Variants in DST observed in about 807,000 individuals in gnomAD.
DST encodes the protein bullous pemphigoid antigen.
A neutral mutation model predicts 875.2 loss-of-function variants in DST; 253 were observed. The ratio of observed to expected loss-of-function variants is 0.29; its 90% CI spans 0.26 to 0.32. The LOEUF (loss-of-function observed/expected upper bound fraction) is 0.32. DST is among the 10% of genes least tolerant of loss of function. The pLI is 1.00. For missense variants in DST, 8,287 were observed against 9,111.6 expected (o/e 0.91, Z 3.68); for synonymous variants, 3,124 against 3,197.1 (o/e 0.98, Z 0.77).
intron 82 of DST, among the ~76,000 whole-genome samples, chr6:56,494,684 T>C (rs1041230682): frequency 2.0e-5 from 3 of 152,110 alleles, no homozygotes; most frequent in African/African-American, 7.2e-5. Context: ...AAGTTGATTA[T>C]TCAGAATTAT....
intron 60 of DST, 23 bp from the exon 61 acceptor site, chr6:56,553,678 T>C (rs1446123690): frequency 6.3e-7 from 1 of 1,589,058 alleles, no homozygotes. Context: ...TTACAAGATA[T>C]GTTTATTTTA....
chr6:56,742,011 G>A (rs988351826), intron 4 of DST, among the ~76,000 whole-genome samples: 1 of 152,156 alleles, frequency 6.6e-6, no homozygotes, highest in Non-Finnish European at 1.5e-5. Flanking sequence ...GGTTTTCAGT[G>A]AAATCCAAAC....
At chr6:56,788,757 C>A (rs1016297246) in intron 4 of DST, among the ~76,000 whole-genome samples, 1 of 152,160 alleles carries the variant, frequency 6.6e-6, no homozygotes, top group Non-Finnish European at 1.5e-5. Context: ...TGTACCATAA[C>A]CTACTTAATG....
chr6:56,490,025 C>T (rs1350067249), intron 85 of DST, among the ~76,000 whole-genome samples: 1 of 151,930 alleles, frequency 6.6e-6, no homozygotes, highest in Non-Finnish European at 1.5e-5. Context: ...AATTTAATCC[C>T]TATGTTAAGA....
chr6:56,725,099 A>G (rs2099445141), intron 5 of DST, among the ~76,000 whole-genome samples: 1 of 152,216 alleles, frequency 6.6e-6, no homozygotes. Context: ...AGGCCTAGAA[A>G]GGTTCAAAGT....
intron 90 of DST, among the ~76,000 whole-genome samples, chr6:56,478,919 G>A (rs150734451): frequency 0.017 from 2,609 of 152,170 alleles, 69 homozygotes; most frequent in African/African-American, 0.059. Context: ...ATAGACAAAT[G>A]GGACTTAATT....
Position 56,605,669 on chromosome 6 carries a change from T to C in DST, c.8959A>G (p.Thr2987Ala), listed in dbSNP as rs1033750735. Residue 2987 changes from threonine to alanine, a missense_variant, in exon 40 of 104, where the codon ACA becomes GCA. Thr to Ala is a moderately conservative substitution (Grantham distance 58). Coordinates refer to ENST00000680361, the MANE Select transcript of DST (RefSeq NM_001374736.1). ...KGKDEYFKNMTPKVDSSLDHI... is the reference protein window; with the variant it reads ...KGKDEYFKNMAPKVDSSLDHI... ...TCAAGAGATGAGTCAACTTTTGGTG[T>C]CATATTCTTAAAATATTCATCTTTA... The C allele has an allele frequency of 6.2e-7, 1 of 1,612,872 alleles. No homozygotes were observed. The highest frequency in any genetic ancestry group is 1.3e-5 in the African/African-American group (1 of 74,862).
intron 9 of DST, among the ~76,000 whole-genome samples, chr6:56,684,827 G>A (rs550279352): frequency 7.2e-5 from 11 of 152,274 alleles, no homozygotes; most frequent in Non-Finnish European, 1.5e-4. Context: ...CCTTTTCACT[G>A]GAGCTTCTCG....
chr6:56,532,111 A>T (rs1399798542), intron 64 of DST, among the ~76,000 whole-genome samples: 1 of 152,176 alleles, frequency 6.6e-6, no homozygotes, highest in Non-Finnish European at 1.5e-5. Context: ...TAAACAAATG[A>T]AGTAATCACT....
Position 56,954,452 on chromosome 6 carries a change from T to G in DST, c.136A>C (p.Arg46=). ...CCWHRKLQKG[R]HPMKSVFSGR... is the part of the protein sequence containing the mutation. ...GAGAAGACCGATTTCATCGGATGCC[T>G]CCCTTTCTGGAGCTTGCGGTGCCAG... Residue 46 remains arginine, a synonymous_variant, in exon 1 of 104, where the codon AGG becomes CGG. Coordinates refer to ENST00000680361, the MANE Select transcript of DST (RefSeq NM_001374736.1). 3.7e-6 allele frequency: 5 copies of G among 1,367,428 alleles called. No homozygotes were observed. The highest frequency in any genetic ancestry group is 4.6e-5 in the East Asian group (1 of 21,952). 84.7% of individuals were successfully genotyped at this position (1,367,428 alleles called of 1,614,324 possible).
intron 36 of DST, chr6:56,619,126 TG>T (rs1331490017): frequency 6.2e-7 from 1 of 1,613,662 alleles, no homozygotes; most frequent in Non-Finnish European, 8.5e-7. Flanking sequence ...GCTCTGTTTT[TG>T]TCTGTTTATG....
At chr6:56,612,628 T>G (rs982707476) in intron 37 of DST, among the ~76,000 whole-genome samples, 1 of 152,208 alleles carries the variant, frequency 6.6e-6, no homozygotes, top group Non-Finnish European at 1.5e-5. Flanking sequence ...TTTTCCCCCA[T>G]GAAGTCTATT....
chr6:56,780,112 A>T (rs1365442607), intron 4 of DST, among the ~76,000 whole-genome samples: 2 of 151,732 alleles, frequency 1.3e-5, no homozygotes, highest in African/African-American at 4.9e-5. Flanking sequence ...CATATTCTGA[A>T]TCCAGTCTAT....
chr6:56,493,148 T>C, intron 83 of DST, 59 bp from the exon 84 acceptor site: 5 of 1,487,278 alleles, frequency 3.4e-6, no homozygotes, highest in Non-Finnish European at 4.6e-6. Context: ...TTTGTTTGTT[T>C]CAGTTTAAAT....
At chr6:56,803,064 T>C (rs910529009) in intron 4 of DST, among the ~76,000 whole-genome samples, 4 of 152,218 alleles carry the variant, frequency 2.6e-5, no homozygotes, top group South Asian at 4.1e-4. Flanking sequence ...GTGTTAAGCA[T>C]TGAGCTAAAT....
intron 4 of DST, among the ~76,000 whole-genome samples, chr6:56,827,330 A>G (rs1039057889): frequency 5.3e-5 from 8 of 152,208 alleles, no homozygotes; most frequent in African/African-American, 1.9e-4. Context: ...CCTGACCAAC[A>G]TGGTGAAACC....
intron 4 of DST, among the ~76,000 whole-genome samples, chr6:56,749,191 A>G (rs1313922825): frequency 6.6e-6 from 1 of 152,078 alleles, no homozygotes; most frequent in Non-Finnish European, 1.5e-5. Context: ...CGTCTCTACT[A>G]AAAATACAAA....
chr6:56,479,673 A>T (rs2095335771), intron 90 of DST, among the ~76,000 whole-genome samples: 1 of 152,214 alleles, frequency 6.6e-6, no homozygotes, highest in South Asian at 2.1e-4. Context: ...AAGTAACTCA[A>T]ACAGAAAATC....
intron 47 of DST, among the ~76,000 whole-genome samples, chr6:56,597,512 T>C (rs926682038): frequency 1.3e-5 from 2 of 152,208 alleles, no homozygotes; most frequent in African/African-American, 4.8e-5. Context: ...ATTAAATCTT[T>C]ATAATAATTC....
Sources: gnomAD v4.1 joint callset for allele counts (sites outside exome capture counted in the v4.1 genomes callset) on GRCh38, gnomAD v4.1.1 for gene constraint, MANE v1.5 for transcripts, NCBI Gene and HGNC (gene_info 2026-07-23, HGNC 2026-07-21) for gene names.